The following PTPRQ variants were observed in gnomAD, a reference collection of about 807,000 sequenced individuals.
PTPRQ encodes protein tyrosine phosphatase receptor type Q, also known as phosphatidylinositol phosphatase PTPRQ.
Under a neutral mutation model 246.0 loss-of-function variants are expected in PTPRQ, and 199 were observed. The observed-to-expected ratio is 0.81, with a 90% CI of 0.72 to 0.91. The LOEUF (loss-of-function observed/expected upper bound fraction) is 0.91. Among genes scored for constraint, PTPRQ ranks in the 40% least tolerant of loss-of-function variants. The probability of loss-of-function intolerance (pLI) is 0.00; values close to 1 mark genes in which losing one functional copy is unlikely to be tolerated. For synonymous variants in PTPRQ, 869 were observed against 853.2 expected (o/e 1.02, Z -0.32); for missense variants, 2,624 against 2,528.4 (o/e 1.04, Z -0.81).
intron 42 of PTPRQ, among the ~76,000 whole-genome samples, chr12:80,671,258 A>G (rs187081534): frequency 7.6e-4 from 116 of 152,222 alleles, no homozygotes; most frequent in African/African-American, 2.7e-3. Context: ...AACAAAAAGT[A>G]AAAGCCTCAT....
intron 29 of PTPRQ, among the ~76,000 whole-genome samples, chr12:80,614,843 A>T (rs1164877051): frequency 6.6e-6 from 1 of 151,038 alleles, no homozygotes; most frequent in Non-Finnish European, 1.5e-5. Context: ...AAATATTCAT[A>T]GTTATGGTAG....
intron 25 of PTPRQ, among the ~76,000 whole-genome samples, chr12:80,569,128 TCTTTTTTTTTTTTTTTTTTTTA>T: frequency 6.7e-6 from 1 of 148,204 alleles, no homozygotes; most frequent in South Asian, 2.2e-4. Flanking sequence ...TGGATACAAT[TCTTTTTTTTTTTTTTTTTTTTA>T]CTTTTTAAAA....
At chr12:80,649,142 G>A (rs534061579) in intron 36 of PTPRQ, among the ~76,000 whole-genome samples, 1 of 152,228 alleles carries the variant, frequency 6.6e-6, no homozygotes, top group South Asian at 2.1e-4. Context: ...AGCTTGGGAA[G>A]TAATACGGGG....
intron 20 of PTPRQ, among the ~76,000 whole-genome samples, chr12:80,540,191 A>T (rs1753944756): frequency 6.6e-6 from 1 of 152,060 alleles, no homozygotes; most frequent in Admixed American, 6.6e-5. Flanking sequence ...TGTCGTGGCC[A>T]TCCAGTTATG....
chr12:80,468,227 T>C (rs12296663), intron 6 of PTPRQ, among the ~76,000 whole-genome samples: 14,707 of 152,200 alleles, frequency 0.097, 1,516 homozygotes, highest in African/African-American at 0.25. Flanking sequence ...GTTCTTAGAA[T>C]AAATACAAAT....
intron 42 of PTPRQ, among the ~76,000 whole-genome samples, chr12:80,671,534 A>T (rs1193432788): frequency 6.6e-6 from 1 of 152,126 alleles, no homozygotes; most frequent in African/African-American, 2.4e-5. Context: ...TTTAAATAAG[A>T]GATAAGAAGA....
chr12:80,445,835 G>T, intron 3 of PTPRQ, 118 bp downstream of exon 3: 1 of 702,016 alleles, frequency 1.4e-6, no homozygotes, highest in Non-Finnish European at 2.5e-6. Flanking sequence ...GACTGACAAC[G>T]TTCACAGTCA....
intron 17 of PTPRQ, among the ~76,000 whole-genome samples, chr12:80,525,233 G>C (rs565625936): frequency 6.6e-6 from 1 of 152,294 alleles, no homozygotes; most frequent in African/African-American, 2.4e-5. Context: ...CGGAACTATT[G>C]AAATAAGGGA....
intron 33 of PTPRQ, among the ~76,000 whole-genome samples, chr12:80,629,306 A>T (rs1899331220): frequency 6.6e-6 from 1 of 152,148 alleles, no homozygotes; most frequent in Non-Finnish European, 1.5e-5. Context: ...TACTCCAAAT[A>T]CAGCCACACT....
At chr12:80,596,799 A>G (rs1897984240) in intron 26 of PTPRQ, among the ~76,000 whole-genome samples, 1 of 152,000 alleles carries the variant, frequency 6.6e-6, no homozygotes, top group Non-Finnish European at 1.5e-5. Flanking sequence ...CTATAGAAAA[A>G]TCCTGGGATT....
At chr12:80,563,444 A>C (rs949278585) in intron 25 of PTPRQ, among the ~76,000 whole-genome samples, 1 of 152,006 alleles carries the variant, frequency 6.6e-6, no homozygotes, top group Non-Finnish European at 1.5e-5. Context: ...AGCCCTCATG[A>C]GCTAATCACC....
At position 80,535,037 on chromosome 12, in the gene PTPRQ, G is replaced by A. The variant is rs1274532719; in HGVS notation, c.2985G>A (p.Gln995=). The change falls in exon 19 of 45, where the codon CAG becomes CAA. Residue 995 remains glutamine (Q), a splice_region_variant and synonymous_variant. Coordinates refer to ENST00000644991, the MANE Select transcript of PTPRQ (RefSeq NM_001145026.2). ...YYRNTSGTFM[Q]NFTLHEVTND... is the part of the protein sequence containing the mutation. ...GAAATACTTCAGGTACTTTTATGCA[G>A]GTAAGAACTGAATTTTCTTCTAGTT... 6.6e-7 allele frequency: 1 copy of A among 1,507,480 alleles called. No homozygotes were observed. The highest frequency in any genetic ancestry group is 1.4e-5 in the South Asian group (1 of 73,804). The allele number at this position is 1,507,480 out of a possible 1,614,324, so 93.4% of individuals were successfully genotyped here.
chr12:80,453,282 A>G (rs1400512180), intron 3 of PTPRQ, among the ~76,000 whole-genome samples: 1 of 152,028 alleles, frequency 6.6e-6, no homozygotes, highest in African/African-American at 2.4e-5. Context: ...TTTTTTTCAT[A>G]GTTTTCAACT....
At chr12:80,645,109 A>T (rs1480818682) in intron 35 of PTPRQ, among the ~76,000 whole-genome samples, 1 of 152,104 alleles carries the variant, frequency 6.6e-6, no homozygotes, top group Non-Finnish European at 1.5e-5. Flanking sequence ...GGATTTAGAT[A>T]AAAAAGAGTG....
chr12:80,600,517 G>A (rs1488318893), intron 26 of PTPRQ, among the ~76,000 whole-genome samples: 3 of 151,614 alleles, frequency 2.0e-5, no homozygotes, highest in South Asian at 2.1e-4. Flanking sequence ...ACAAGCTACC[G>A]CAGAAAAATC....
intron 19 of PTPRQ, among the ~76,000 whole-genome samples, chr12:80,535,995 T>C (rs1360714817): frequency 6.6e-6 from 1 of 152,082 alleles, no homozygotes; most frequent in Non-Finnish European, 1.5e-5. Flanking sequence ...TAGTCCCAGC[T>C]ACTGGGGAGG....
At chr12:80,449,572 C>T (rs894928575) in intron 3 of PTPRQ, among the ~76,000 whole-genome samples, 16 of 152,008 alleles carry the variant, frequency 1.1e-4, no homozygotes, top group African/African-American at 3.9e-4. Context: ...AGGAAGGGAT[C>T]CAGTTTCAGC....
chr12:80,625,750 A>G (rs371013485), intron 33 of PTPRQ, among the ~76,000 whole-genome samples: 22 of 152,176 alleles, frequency 1.4e-4, no homozygotes, highest in African/African-American at 4.8e-4. Context: ...TAACGTATGC[A>G]TTATTTTAAT....
chr12:80,571,126 A>G (rs1197003364), intron 25 of PTPRQ, among the ~76,000 whole-genome samples: 1 of 152,170 alleles, frequency 6.6e-6, no homozygotes, highest in Non-Finnish European at 1.5e-5. Flanking sequence ...GAAGAAAGTC[A>G]ATGGTAGCTT....
Sources: allele counts gnomAD v4.1 joint callset (sites outside exome capture counted in the v4.1 genomes callset), GRCh38; gene constraint gnomAD v4.1.1; transcripts MANE v1.5; gene names NCBI Gene and HGNC (gene_info 2026-07-23, HGNC 2026-07-21).